ME3: variants seen among roughly 807,000 people sequenced by gnomAD.
ME3 encodes the protein malic enzyme 3.
In ME3, 48 loss-of-function variants were observed where a neutral mutation model predicts 68.9. The ratio of observed to expected loss-of-function variants is 0.70; its 90% CI spans 0.55 to 0.89. The LOEUF is 0.89. Among genes scored for constraint, ME3 ranks in the 40% least tolerant of loss-of-function variants. The pLI is 0.00. For synonymous variants in ME3, 320 were observed against 318.8 expected (o/e 1.00, Z -0.04); for missense variants, 675 against 797.4 (o/e 0.85, Z 1.85).
intron 8 of ME3, among the ~76,000 whole-genome samples, chr11:86,456,896 G>A (rs906330078): frequency 6.6e-6 from 1 of 152,198 alleles, no homozygotes; most frequent in Admixed American, 6.5e-5. Context: ...ATGAAGTAGG[G>A]ACTACTGTGC....
intron 2 of ME3, among the ~76,000 whole-genome samples, chr11:86,646,074 G>GA (rs1944992711): frequency 6.6e-6 from 1 of 152,188 alleles, no homozygotes; most frequent in Non-Finnish European, 1.5e-5. Flanking sequence ...ACCAAAGGTA[G>GA]ACAAATCCAC....
chr11:86,644,473 A>G (rs1160301615), intron 2 of ME3, among the ~76,000 whole-genome samples: 1 of 151,796 alleles, frequency 6.6e-6, no homozygotes, highest in Non-Finnish European at 1.5e-5. Flanking sequence ...AGCTCTTTCC[A>G]CCCTGATTTT....
At chr11:86,571,638 T>C (rs1945036) in intron 2 of ME3, among the ~76,000 whole-genome samples, 93,019 of 152,142 alleles carry the variant, frequency 0.61, 28,655 homozygotes, top group Admixed American at 0.67. Context: ...CTTTCCCACA[T>C]GGCGGATCAC....
downstream of ME3, chr11:86,436,384 A>T (rs1948897810): frequency 6.6e-6 from 1 of 152,044 alleles, no homozygotes; most frequent in African/African-American, 2.4e-5. Context: ...AAGTTGAAGT[A>T]GTTCTTTATA....
intron 4 of ME3, among the ~76,000 whole-genome samples, chr11:86,549,060 C>G (rs1165987641): frequency 6.6e-6 from 1 of 152,202 alleles, no homozygotes; most frequent in Admixed American, 6.5e-5. Flanking sequence ...AACAAGCCCT[C>G]CAGGTGATTT....
At chr11:86,455,629 G>C (rs1225756783) in intron 8 of ME3, among the ~76,000 whole-genome samples, 2 of 152,082 alleles carry the variant, frequency 1.3e-5, no homozygotes, top group African/African-American at 2.4e-5. Flanking sequence ...TTTATACTTA[G>C]GTACATTTCC....
intron 2 of ME3, among the ~76,000 whole-genome samples, chr11:86,565,890 C>T (rs188850549): frequency 3.4e-4 from 52 of 152,318 alleles, no homozygotes; most frequent in African/African-American, 1.2e-3. Flanking sequence ...CCTGTAGAGA[C>T]AATGTTTGCT....
At chr11:86,632,570 T>C (rs1384787484) in intron 2 of ME3, among the ~76,000 whole-genome samples, 1 of 152,324 alleles carries the variant, frequency 6.6e-6, no homozygotes, top group East Asian at 1.9e-4. Context: ...AGTCTCTATG[T>C]CTGCAAAATG....
intron 2 of ME3, among the ~76,000 whole-genome samples, chr11:86,651,262 G>T (rs4943952): frequency 6.6e-6 from 1 of 152,068 alleles, no homozygotes; most frequent in Non-Finnish European, 1.5e-5. Flanking sequence ...CTCCCAGCAC[G>T]CAGCTTGAGA....
chr11:86,527,651 T>TG (rs1954865201), intron 4 of ME3, among the ~76,000 whole-genome samples: 2 of 152,174 alleles, frequency 1.3e-5, no homozygotes, highest in African/African-American at 4.8e-5. Context: ...GACTAACAGC[T>TG]GATCTCTTGG....
intron 1 of ME3, 88 bp downstream of exon 1, chr11:86,672,236 T>C: frequency 2.8e-6 from 1 of 362,782 alleles, no homozygotes; most frequent in Non-Finnish European, 4.9e-6. Flanking sequence ...CCCATCCCTG[T>C]GAAAAAGAGG....
intron 2 of ME3, among the ~76,000 whole-genome samples, chr11:86,605,578 C>G (rs115647692): frequency 6.6e-6 from 1 of 152,206 alleles, no homozygotes; most frequent in Non-Finnish European, 1.5e-5. Flanking sequence ...CCATGACAAT[C>G]TATGACCTGG....
At chr11:86,659,306 T>C (rs1162732713) in intron 2 of ME3, among the ~76,000 whole-genome samples, 1 of 152,202 alleles carries the variant, frequency 6.6e-6, no homozygotes, top group African/African-American at 2.4e-5. Flanking sequence ...CTAAGTTGAC[T>C]GAGGCTGATT....
At chr11:86,630,067 G>A (rs1406484214) in intron 2 of ME3, among the ~76,000 whole-genome samples, 1 of 152,044 alleles carries the variant, frequency 6.6e-6, no homozygotes, top group Non-Finnish European at 1.5e-5. Flanking sequence ...CAATAATAGA[G>A]ATCTACATCC....
At position 86,559,701 on chromosome 11, in the gene ME3, ACT is replaced by A; in HGVS notation, c.304_305del (p.Ser102Ter). 1 of 1,613,346 alleles carries A rather than the reference ACT, an allele frequency of 6.2e-7. No individual in the cohort carries two copies. Among genetic ancestry groups the A allele is most frequent in the African/African-American group, 1.3e-5 (1 of 74,992 alleles). On this transcript the variant is annotated frameshift_variant, in exon 3 of 15. Transcript: ENST00000543262. LOFTEE classifies it high-confidence loss of function. ...CACTAGGTACTGACTTGTCCAGGTC[ACT>A]CTGCTGCCGCTCGTAATATCTCATG...
At chr11:86,445,594 G>C (rs1949240031) in intron 13 of ME3, among the ~76,000 whole-genome samples, 1 of 152,174 alleles carries the variant, frequency 6.6e-6, no homozygotes, top group Non-Finnish European at 1.5e-5. Context: ...TCTATGCCTT[G>C]CTTTTGTCAG....
chr11:86,457,988 A>T (rs901796467), intron 8 of ME3, among the ~76,000 whole-genome samples: 1 of 152,166 alleles, frequency 6.6e-6, no homozygotes, highest in Non-Finnish European at 1.5e-5. Flanking sequence ...CAGGTAAGGG[A>T]AAACTTCTGA....
chr11:86,574,426 A>ATGT (rs1165710991), intron 2 of ME3, among the ~76,000 whole-genome samples: 9 of 120,350 alleles, frequency 7.5e-5, no homozygotes, highest in African/African-American at 1.3e-4. Flanking sequence ...TTTTTTGTTG[A>ATGT]TGTTGTTGTT....
At chr11:86,545,072 C>T (rs1335861607) in intron 4 of ME3, among the ~76,000 whole-genome samples, 1 of 152,126 alleles carries the variant, frequency 6.6e-6, no homozygotes, top group African/African-American at 2.4e-5. Context: ...ATGACAAAAA[C>T]CACATGATTA....
Sources: allele counts gnomAD v4.1 joint callset (sites outside exome capture counted in the v4.1 genomes callset), GRCh38; gene constraint gnomAD v4.1.1; transcripts MANE v1.5; gene names NCBI Gene and HGNC (gene_info 2026-07-23, HGNC 2026-07-21).